Variants in INTU observed in about 807,000 individuals in gnomAD.
INTU encodes the protein inturned planar cell polarity protein.
In INTU, 68 loss-of-function variants were observed where a neutral mutation model predicts 100.5. The observed-to-expected ratio is 0.68, with a 90% CI of 0.56 to 0.83. The LOEUF is 0.83. Among genes scored for constraint, INTU ranks in the 40% least tolerant of loss-of-function variants. The probability of loss-of-function intolerance (pLI) is 0.00; values close to 1 mark genes in which losing one functional copy is unlikely to be tolerated. For synonymous variants in INTU, 357 were observed against 395.7 expected (o/e 0.90, Z 1.16); for missense variants, 1,071 against 1,114.7 (o/e 0.96, Z 0.56).
At chr4:127,708,059 TC>T (rs1379249696) in intron 12 of INTU, among the ~76,000 whole-genome samples, 1 of 152,174 alleles carries the variant, frequency 6.6e-6, no homozygotes, top group Non-Finnish European at 1.5e-5. Flanking sequence ...AGTACTTACA[TC>T]AGTACCATAC....
intron 10 of INTU, among the ~76,000 whole-genome samples, chr4:127,704,537 C>G (rs565535690): frequency 6.6e-6 from 1 of 152,270 alleles, no homozygotes; most frequent in South Asian, 2.1e-4. Context: ...TCAAACAATC[C>G]TCCTGCTTTG....
At chr4:127,704,392 C>A in intron 10 of INTU, 102 bp downstream of exon 10, 1 of 877,902 alleles carries the variant, frequency 1.1e-6, no homozygotes, top group Non-Finnish European at 1.8e-6. Flanking sequence ...TCTTTTCTTT[C>A]AAATGTAGGT....
intron 8 of INTU, among the ~76,000 whole-genome samples, chr4:127,693,025 G>C (rs1186614570): frequency 6.6e-6 from 1 of 152,034 alleles, no homozygotes; most frequent in African/African-American, 2.4e-5. Flanking sequence ...GATGCCTCCA[G>C]ATTTTTTTTG....
chr4:127,704,192 T>A (rs1730772607), intron 9 of INTU, 36 bp from the exon 10 acceptor site: 3 of 1,542,018 alleles, frequency 1.9e-6, no homozygotes, highest in Non-Finnish European at 2.7e-6. Flanking sequence ...CACAAAAAAA[T>A]AAAAATATAA....
chr4:127,690,034 T>C (rs1418117761), intron 8 of INTU, among the ~76,000 whole-genome samples: 4 of 152,166 alleles, frequency 2.6e-5, no homozygotes, highest in African/African-American at 9.6e-5. Flanking sequence ...CCTCAAAATA[T>C]ATAGTCCCTT....
intron 8 of INTU, among the ~76,000 whole-genome samples, chr4:127,688,345 A>G (rs1373463836): frequency 1.3e-5 from 2 of 152,216 alleles, no homozygotes; most frequent in Non-Finnish European, 2.9e-5. Flanking sequence ...GCATACCAAT[A>G]GTAAAACTGT....
At chr4:127,642,411 TTTGAG>T (rs1729273950) in intron 1 of INTU, among the ~76,000 whole-genome samples, 1 of 152,162 alleles carries the variant, frequency 6.6e-6, no homozygotes, top group Non-Finnish European at 1.5e-5. Flanking sequence ...CAGTGGTTAG[TTTGAG>T]TTGAGTAATA....
At chr4:127,646,588 C>T (rs1277804851) in intron 2 of INTU, among the ~76,000 whole-genome samples, 1 of 152,144 alleles carries the variant, frequency 6.6e-6, no homozygotes, top group African/African-American at 2.4e-5. Context: ...CAGTCTTTCT[C>T]AATATTTCAG....
chr4:127,680,331 T>C (rs530040072), intron 6 of INTU, among the ~76,000 whole-genome samples: 5,589 of 150,020 alleles, frequency 0.037, 162 homozygotes, highest in Middle Eastern at 0.065. Flanking sequence ...ATATCCTTGA[T>C]GAACATTGAT....
intron 2 of INTU, among the ~76,000 whole-genome samples, chr4:127,650,653 C>T (rs903368287): frequency 6.6e-6 from 1 of 151,708 alleles, no homozygotes; most frequent in Non-Finnish European, 1.5e-5. Flanking sequence ...CAAGTCTTTG[C>T]CATTGTGAAT....
At chr4:127,687,516 A>G (rs1729878493) in intron 7 of INTU, 162 bp from the exon 8 acceptor site, 1 of 539,906 alleles carries the variant, frequency 1.9e-6, no homozygotes, top group Admixed American at 3.3e-5. Flanking sequence ...AAATTTCTTT[A>G]CACAATCCGT....
intron 8 of INTU, among the ~76,000 whole-genome samples, chr4:127,697,950 G>A (rs925660233): frequency 3.3e-5 from 5 of 151,924 alleles, no homozygotes; most frequent in South Asian, 2.1e-4. Flanking sequence ...GAGAAACCCC[G>A]TCTCTACTAA....
intron 1 of INTU, among the ~76,000 whole-genome samples, chr4:127,641,325 C>G (rs543409893): frequency 1.3e-5 from 2 of 152,272 alleles, no homozygotes; most frequent in South Asian, 4.1e-4. Flanking sequence ...TCTAAAAAGC[C>G]TGGCAAAACT....
intron 3 of INTU, among the ~76,000 whole-genome samples, chr4:127,663,133 T>G (rs1174104277): frequency 6.6e-6 from 1 of 152,192 alleles, no homozygotes; most frequent in Non-Finnish European, 1.5e-5. Flanking sequence ...TTAAATGAAT[T>G]TTATACAGAA....
chr4:127,685,731 G>T, intron 7 of INTU: 1 of 213,370 alleles, frequency 4.7e-6, no homozygotes, highest in Non-Finnish European at 9.6e-6. Context: ...GAAGCTTTCT[G>T]TTTTCATAAA....
chr4:127,639,235 A>G (rs1727204313), intron 1 of INTU, among the ~76,000 whole-genome samples: 1 of 152,090 alleles, frequency 6.6e-6, no homozygotes, highest in Non-Finnish European at 1.5e-5. Context: ...TTGTCTGCTT[A>G]GTCTCCTCTG....
intron 6 of INTU, among the ~76,000 whole-genome samples, chr4:127,678,877 C>T (rs1417741734): frequency 2.2e-4 from 33 of 151,758 alleles, no homozygotes; most frequent in African/African-American, 8.0e-4. Flanking sequence ...CAGAGACACA[C>T]ATAGGCTCAA....
intron 3 of INTU, 105 bp from the exon 4 acceptor site, chr4:127,663,275 AT>A (rs1359766869): frequency 1.3e-6 from 1 of 744,566 alleles, no homozygotes; most frequent in Admixed American, 2.2e-5. Context: ...TGATTTATAT[AT>A]ACTGTACATA....
Position 127,720,347 on chromosome 4 carries a change from G to A in INTU, c.*3911G>A, listed in dbSNP as rs1369712757. On this transcript the variant is annotated 3_prime_UTR_variant, in exon 16 of 16. Transcript: ENST00000335251. ...TGATTGCGCTGTGATCTGAGAGACT[G>A]TTTGTTATTACTTCAGTTCTTTAGC... The A allele has an allele frequency of 1.3e-5, 2 of 152,154 alleles. No individual in the cohort carries two copies. The highest frequency in any genetic ancestry group is 4.1e-4 in the South Asian group (2 of 4,832). The allele number at this position is 152,154 out of a possible 1,614,324, so 9.4% of individuals were successfully genotyped here.
Sources: allele counts gnomAD v4.1 joint callset (sites outside exome capture counted in the v4.1 genomes callset), GRCh38; gene constraint gnomAD v4.1.1; transcripts MANE v1.5; gene names NCBI Gene and HGNC (gene_info 2026-07-23, HGNC 2026-07-21).